The following TBX5 variants were observed in gnomAD, a reference collection of about 807,000 sequenced individuals.
TBX5 encodes T-box transcription factor 5.
TBX5 carries 8 observed loss-of-function variants against 51.1 expected under a neutral mutation model. The observed-to-expected ratio is 0.16, with a 90% CI of 0.09 to 0.28. TBX5 has a LOEUF of 0.28. TBX5 is among the 10% of genes least tolerant of loss of function. The probability of loss-of-function intolerance (pLI) is 1.00; values close to 1 mark genes in which losing one functional copy is unlikely to be tolerated. For missense variants in TBX5, 589 were observed against 671.7 expected (o/e 0.88, Z 1.36); for synonymous variants, 302 against 266.4 (o/e 1.13, Z -1.30).
chr12:114,375,978 G>A (rs971804333), intron 7 of TBX5, among the ~76,000 whole-genome samples: 5 of 152,224 alleles, frequency 3.3e-5, no homozygotes, highest in African/African-American at 1.2e-4. Context: ...CCAGGAAGTG[G>A]AAGCTGTAAT....
At chr12:114,362,179 C>T (rs1436422599) in intron 8 of TBX5, among the ~76,000 whole-genome samples, 1 of 152,158 alleles carries the variant, frequency 6.6e-6, no homozygotes, top group Non-Finnish European at 1.5e-5. Context: ...GACCCCATGA[C>T]AGCCTTTCAA....
chr12:114,397,380 C>T (rs1871492322), intron 5 of TBX5, among the ~76,000 whole-genome samples: 1 of 152,196 alleles, frequency 6.6e-6, no homozygotes, highest in Non-Finnish European at 1.5e-5. Context: ...CTCCCGTCCG[C>T]CCCCTAGGCT....
At chr12:114,406,524 C>G (rs1334556558), upstream of TBX5, among the ~76,000 whole-genome samples, 4 of 152,254 alleles carry the variant, frequency 2.6e-5, no homozygotes, top group East Asian at 1.9e-4. Context: ...ACGCTGACCT[C>G]GAGAAGGAGA....
At chr12:114,404,348 T>C (rs1035787226) in intron 1 of TBX5, among the ~76,000 whole-genome samples, 10 of 152,148 alleles carry the variant, frequency 6.6e-5, no homozygotes, top group African/African-American at 2.2e-4. Context: ...AAAAACCCAG[T>C]GTCCTTTAGA....
At chr12:114,397,884 G>T (rs1382053618) in intron 5 of TBX5, among the ~76,000 whole-genome samples, 1 of 152,224 alleles carries the variant, frequency 6.6e-6, no homozygotes. Context: ...CAGGTGAGCT[G>T]GGCTCTCCCT....
intron 2 of TBX5, among the ~76,000 whole-genome samples, chr12:114,403,466 T>C (rs1044185740): frequency 2.0e-5 from 3 of 152,228 alleles, no homozygotes; most frequent in Non-Finnish European, 4.4e-5. Flanking sequence ...AACGGCCGGA[T>C]AATTGAGATT....
chr12:114,402,858 C>G (rs902930222), intron 2 of TBX5, among the ~76,000 whole-genome samples: 1 of 152,112 alleles, frequency 6.6e-6, no homozygotes, highest in African/African-American at 2.4e-5. Context: ...TGTTCACGCT[C>G]TCTGCTTCTC....
At chr12:114,408,261 C>T (rs1565945304), upstream of TBX5, 9 of 967,298 alleles carry the variant, frequency 9.3e-6, no homozygotes, top group Non-Finnish European at 1.1e-5. Context: ...CATAAACCAA[C>T]CCGGCTTTCT....
chr12:114,358,964 C>A (rs1163175331), intron 8 of TBX5, among the ~76,000 whole-genome samples: 1 of 152,086 alleles, frequency 6.6e-6, no homozygotes, highest in Non-Finnish European at 1.5e-5. Flanking sequence ...TTCCAATTAA[C>A]CAGGGTGTTA....
chr12:114,359,536 A>G (rs527865379), intron 8 of TBX5, among the ~76,000 whole-genome samples: 3 of 152,346 alleles, frequency 2.0e-5, no homozygotes, highest in African/African-American at 7.2e-5. Context: ...AAGAGTGGTC[A>G]GTTATATTGC....
At chr12:114,395,205 C>A (rs1871352297) in intron 5 of TBX5, among the ~76,000 whole-genome samples, 1 of 152,156 alleles carries the variant, frequency 6.6e-6, no homozygotes, top group South Asian at 2.1e-4. Context: ...CCACCCCCAA[C>A]GGGAGCTGAG....
Position 114,401,873 on chromosome 12 carries a change from T to C in TBX5, c.195A>G (p.Leu65=), listed in dbSNP as rs2136421502. The C allele has an allele frequency of 6.2e-7, 1 of 1,614,206 alleles. No homozygotes were observed. The highest frequency in any genetic ancestry group is 1.1e-5 in the South Asian group (1 of 91,084). The change falls in exon 3 of 9, where the codon CTA becomes CTG. Residue 65 remains leucine (L), a synonymous_variant. Transcript: ENST00000405440. ...TTTCCGTGCCCACTTCGTGGAATTT[T>C]AGCCACAGTTCTCTTTCATGGAGAA... ...KVFLHERELW[L]KFHEVGTEMI...
At chr12:114,403,290 G>A (rs1398389811) in intron 2 of TBX5, among the ~76,000 whole-genome samples, 2 of 152,242 alleles carry the variant, frequency 1.3e-5, no homozygotes, top group Admixed American at 6.5e-5. Context: ...GAGGCAGGAG[G>A]AGGCGGGAGG....
chr12:114,399,684 T>G, intron 3 of TBX5, 52 bp from the exon 4 acceptor site: 1 of 1,613,520 alleles, frequency 6.2e-7, no homozygotes, highest in Admixed American at 1.7e-5. Flanking sequence ...ATGCCAGTAT[T>G]TTAAGGCAGC....
chr12:114,398,022 T>G (rs1871532523), intron 5 of TBX5, among the ~76,000 whole-genome samples: 3 of 152,206 alleles, frequency 2.0e-5, no homozygotes, highest in African/African-American at 7.2e-5. Context: ...GTCCATATTT[T>G]CTGCAAGACT....
chr12:114,405,266 C>T (rs879375494), intron 1 of TBX5, among the ~76,000 whole-genome samples: 17 of 152,338 alleles, frequency 1.1e-4, no homozygotes, highest in Admixed American at 1.1e-3. Context: ...GCCCCGCTGC[C>T]TACTCACAAC....
intron 7 of TBX5, among the ~76,000 whole-genome samples, chr12:114,372,968 G>A (rs965518674): frequency 5.4e-5 from 7 of 129,494 alleles, no homozygotes; most frequent in Non-Finnish European, 9.5e-5. Flanking sequence ...AAGGCTTAGC[G>A]AATATATATA....
Position 114,399,498 on chromosome 12 carries a change from CA to C in TBX5, c.362+14del. On this transcript the variant is annotated intron_variant, in intron 4 of 8. Transcript: ENST00000405440. The stretch of plus-strand genomic sequence containing the variant: ...TTTTCTCTCTCCCCGCTCCACCTGC[CA>C]CCCCAGTGCCTACCATTTATTATCT... 6.2e-7 allele frequency: 1 copy of C among 1,613,988 alleles called. No homozygotes were observed. The highest frequency in any genetic ancestry group is 8.5e-7 in the Non-Finnish European group (1 of 1,180,002).
intron 7 of TBX5, among the ~76,000 whole-genome samples, chr12:114,384,945 G>A (rs2136397064): frequency 6.6e-6 from 1 of 152,248 alleles, no homozygotes; most frequent in South Asian, 2.1e-4. Context: ...CATCATATCA[G>A]CAACTATGAC....
Sources: allele counts gnomAD v4.1 joint callset (sites outside exome capture counted in the v4.1 genomes callset), GRCh38; gene constraint gnomAD v4.1.1; transcripts MANE v1.5; gene names NCBI Gene and HGNC (gene_info 2026-07-23, HGNC 2026-07-21).